The following MALL variants were observed in gnomAD, a reference collection of about 807,000 sequenced individuals.
MALL encodes the protein MAL-like protein.
A neutral mutation model predicts 10.3 loss-of-function variants in MALL; 2 were observed. The observed-to-expected ratio is 0.19, with a 90% confidence interval of 0.08 to 0.61. The LOEUF (loss-of-function observed/expected upper bound fraction) is 0.61. Among genes scored for constraint, MALL ranks in the 20% least tolerant of loss-of-function variants. The pLI, the probability that MALL is intolerant of heterozygous loss-of-function variation, is 0.88. For synonymous variants in MALL, 27 were observed against 51.8 expected (o/e 0.52, Z 2.05); for missense variants, 39 against 115.2 (o/e 0.34, Z 3.03).
rs867401280 is a variant in MALL at position 110,106,368 on chromosome 2, G to T, written c.105+9320C>A. Among the ~76,000 whole-genome samples, 9 of 152,238 alleles carry T rather than the reference G, an allele frequency of 5.9e-5. No homozygotes were observed. In the East Asian group the frequency reaches 1.2e-3, roughly 20 times the overall value. ...GCACCCGCAGACAGCTGGCTCCAGA[G>T]CAGGGCACGGGTGTGAGCCGCACCC... is the stretch of plus-strand genomic sequence containing the variant. On this transcript the variant is annotated intron_variant, in intron 1 of 3. Coordinates refer to ENST00000272462, the MANE Select transcript of MALL (RefSeq NM_005434.5).
upstream of MALL, among the ~76,000 whole-genome samples, chr2:110,117,046 T>C (rs1214145722): frequency 6.6e-6 from 1 of 152,168 alleles, no homozygotes; most frequent in East Asian, 1.9e-4. Flanking sequence ...CAAATGAAGC[T>C]AAGACCAAAG....
chr2:110,097,756 A>G (rs1156570580), intron 1 of MALL, among the ~76,000 whole-genome samples: 1 of 152,076 alleles, frequency 6.6e-6, no homozygotes, highest in Non-Finnish European at 1.5e-5. Flanking sequence ...ACCCTGTGGC[A>G]GGTTTTTCTG....
Position 110,109,851 on chromosome 2 carries a change from A to G in MALL, c.105+5837T>C, listed in dbSNP as rs140178784. 2.6e-4 allele frequency among the ~76,000 whole-genome samples: 39 copies of G among 152,306 alleles called. No individual in the cohort carries two copies. The East Asian group carries it at 7.1e-3, about 28-fold the overall frequency. On this transcript the variant is annotated intron_variant, in intron 1 of 3. Coordinates refer to ENST00000272462, the MANE Select transcript of MALL (RefSeq NM_005434.5). ...AATGAGACTTGATAAATTTAAGAAAATTGAAATTATATCAAGCACTCTGTC... is the reference window on the plus strand; with the variant it reads ...AATGAGACTTGATAAATTTAAGAAAGTTGAAATTATATCAAGCACTCTGTC...
chr2:110,110,973 G>A (rs924935220), intron 1 of MALL, among the ~76,000 whole-genome samples: 1 of 152,118 alleles, frequency 6.6e-6, no homozygotes, highest in South Asian at 2.1e-4. Context: ...AAAATCACAT[G>A]ATCATTTCAA....
chr2:110,103,112 A>G (rs751290923), intron 1 of MALL, among the ~76,000 whole-genome samples: 1 of 152,140 alleles, frequency 6.6e-6, no homozygotes, highest in Non-Finnish European at 1.5e-5. Flanking sequence ...GCCCCTCTGG[A>G]TGGGGATCCC....
chr2:110,099,583 C>T (rs967019537), intron 1 of MALL, among the ~76,000 whole-genome samples: 38 of 152,160 alleles, frequency 2.5e-4, no homozygotes, highest in Admixed American at 2.2e-3. Context: ...TCTCTCATTA[C>T]AAACTGTTTC....
At chr2:110,112,651 C>T (rs1220162657) in intron 1 of MALL, among the ~76,000 whole-genome samples, 4 of 151,990 alleles carry the variant, frequency 2.6e-5, no homozygotes, top group Non-Finnish European at 5.9e-5. Context: ...TAAACTAGTA[C>T]ATCCACTATG....
At chr2:110,095,350 G>C (rs1232958525) in intron 1 of MALL, among the ~76,000 whole-genome samples, 1 of 152,142 alleles carries the variant, frequency 6.6e-6, no homozygotes, top group Non-Finnish European at 1.5e-5. Flanking sequence ...ATTACAGCGA[G>C]CCATTTAGAG....
chr2:110,104,970 T>C (rs1678657760), intron 1 of MALL, among the ~76,000 whole-genome samples: 2 of 152,224 alleles, frequency 1.3e-5, no homozygotes, highest in African/African-American at 4.8e-5. Flanking sequence ...TGACCGCCAA[T>C]GCTAAAGTAG....
intron 1 of MALL, among the ~76,000 whole-genome samples, chr2:110,099,856 C>T (rs1456043458): frequency 6.6e-6 from 1 of 152,148 alleles, no homozygotes; most frequent in Non-Finnish European, 1.5e-5. Context: ...TCCCAGATGA[C>T]ACGACCGAGC....
In MALL at chr2:110,100,091, C is replaced by T. The variant is rs1366996861; in HGVS notation, c.106-8321G>A. 2.0e-5 allele frequency among the ~76,000 whole-genome samples: 3 copies of T among 152,072 alleles called. No homozygotes were observed. In the East Asian group the frequency reaches 5.8e-4, roughly 29 times the overall value. ...CACCTTTATGCTGGGCTCCCCAAGC[C>T]TCCACCACTTCCCCCAGTCCTGGGA... On this transcript the variant is annotated intron_variant, in intron 1 of 3. Transcript: ENST00000272462.
At chr2:110,113,259 C>A (rs1467605022) in intron 1 of MALL, among the ~76,000 whole-genome samples, 2 of 151,248 alleles carry the variant, frequency 1.3e-5, no homozygotes, top group African/African-American at 4.9e-5. Flanking sequence ...CACAGTGAAA[C>A]CCCGTCTCTA....
At chr2:110,105,051 C>T (rs1039498885) in intron 1 of MALL, among the ~76,000 whole-genome samples, 2 of 152,208 alleles carry the variant, frequency 1.3e-5, no homozygotes, top group African/African-American at 4.8e-5. Flanking sequence ...ATTCAAACCC[C>T]ACAGCTGTCT....
In MALL at chr2:110,115,614, G is replaced by C. The variant is rs369023367; in HGVS notation, c.105+74C>G. On this transcript the variant is annotated intron_variant, in intron 1 of 3. Coordinates refer to ENST00000272462, the MANE Select transcript of MALL (RefSeq NM_005434.5). ...GTCCGGTCTGGGTCTCTCTCTTCTC[G>C]GTCCGGTCTGGGTCCGAGGCCGGTC... 56 of 830,034 alleles carry C rather than the reference G, an allele frequency of 6.7e-5. 1 individual carries two copies. In the East Asian group the frequency reaches 8.7e-4, roughly 13 times the overall value. 51.4% of individuals were successfully genotyped at this position (830,034 alleles called of 1,614,324 possible). A position where few individuals can be genotyped will look rare whatever the true frequency, so the allele number is the denominator to read the frequency against.
intron 1 of MALL, among the ~76,000 whole-genome samples, chr2:110,103,130 C>T (rs1210578497): frequency 6.6e-6 from 1 of 152,146 alleles, no homozygotes; most frequent in Non-Finnish European, 1.5e-5. Flanking sequence ...CCCACTGAGA[C>T]TGTACTCTGG....
At chr2:110,097,306 C>G (rs753916263) in intron 1 of MALL, among the ~76,000 whole-genome samples, 20 of 152,176 alleles carry the variant, frequency 1.3e-4, no homozygotes, top group Non-Finnish European at 2.4e-4. Flanking sequence ...GTGCCTTGGT[C>G]TCGGGGAAGC....
intron 1 of MALL, among the ~76,000 whole-genome samples, chr2:110,101,280 A>G (rs1320536746): frequency 6.6e-6 from 1 of 152,180 alleles, no homozygotes; most frequent in Non-Finnish European, 1.5e-5. Context: ...GAGCACCCTG[A>G]AAACAAGTAG....
intron 1 of MALL, among the ~76,000 whole-genome samples, chr2:110,108,068 A>C (rs773185770): frequency 2.6e-5 from 4 of 152,154 alleles, no homozygotes; most frequent in Non-Finnish European, 4.4e-5. Context: ...ACTCTGACAG[A>C]GCCTATGCAA....
chr2:110,115,323 C>G (rs1248594504), intron 1 of MALL, among the ~76,000 whole-genome samples: 3 of 152,172 alleles, frequency 2.0e-5, no homozygotes, highest in African/African-American at 7.2e-5. Context: ...CCCCCCAGGC[C>G]TCCACACTCA....
Sources: allele counts gnomAD v4.1 joint callset (sites outside exome capture counted in the v4.1 genomes callset), GRCh38; gene constraint gnomAD v4.1.1; transcripts MANE v1.5; gene names NCBI Gene and HGNC (gene_info 2026-07-23, HGNC 2026-07-21).